CNOT4: variants seen among roughly 807,000 people sequenced by gnomAD.
CNOT4 encodes the protein CCR4-NOT transcription complex subunit 4, also known as CCR4-associated factor 4.
CNOT4 carries 8 observed loss-of-function variants against 73.8 expected under a neutral mutation model. The observed-to-expected ratio is 0.11, with a 90% CI of 0.06 to 0.20. The LOEUF is 0.20. Among genes scored for constraint, CNOT4 ranks in the 10% least tolerant of loss-of-function variants. The pLI, the probability that CNOT4 is intolerant of heterozygous loss-of-function variation, is 1.00. For synonymous variants in CNOT4, 293 were observed against 321.1 expected, an observed-to-expected ratio of 0.91 and a Z score of 0.94; for missense variants, 564 against 883.4, an observed-to-expected ratio of 0.64 and a Z score of 4.58.
chr7:135,399,509 A>G (rs1453718343), intron 7 of CNOT4, among the ~76,000 whole-genome samples: 1 of 152,122 alleles, frequency 6.6e-6, no homozygotes, highest in Non-Finnish European at 1.5e-5. Flanking sequence ...CAAAACATTG[A>G]TATGTGGTAC....
intron 9 of CNOT4, 27 bp from the exon 10 acceptor site, chr7:135,394,442 T>C: frequency 3.2e-6 from 5 of 1,539,220 alleles, no homozygotes; most frequent in East Asian, 4.5e-5. Flanking sequence ...TAGTGATGAA[T>C]ATCAGATACA....
intron 7 of CNOT4, among the ~76,000 whole-genome samples, chr7:135,409,223 T>C (rs995820386): frequency 6.6e-6 from 1 of 152,120 alleles, no homozygotes; most frequent in Admixed American, 6.5e-5. Context: ...AGATAAGTAA[T>C]AGCATATGGT....
At chr7:135,509,338 A>G (rs1804584211) in intron 1 of CNOT4, among the ~76,000 whole-genome samples, 1 of 152,094 alleles carries the variant, frequency 6.6e-6, no homozygotes. Context: ...GCTGATTGCA[A>G]GCACCAGAGG....
chr7:135,509,331 G>A (rs950589367), intron 1 of CNOT4, among the ~76,000 whole-genome samples: 1 of 152,106 alleles, frequency 6.6e-6, no homozygotes. Flanking sequence ...ACTGTGGGCT[G>A]ATTGCAAGCA....
intron 1 of CNOT4, among the ~76,000 whole-genome samples, chr7:135,463,120 G>C (rs1800978776): frequency 1.3e-5 from 2 of 152,246 alleles, no homozygotes; most frequent in Admixed American, 1.3e-4. Context: ...ATGCTGTTTT[G>C]GTTACTGCAG....
chr7:135,407,627 A>C (rs1460392296), intron 7 of CNOT4, among the ~76,000 whole-genome samples: 1 of 152,218 alleles, frequency 6.6e-6, no homozygotes, highest in East Asian at 1.9e-4. Flanking sequence ...AACAGGAAAA[A>C]GAAAATCTTT....
chr7:135,418,849 G>A (rs944659481), intron 3 of CNOT4, among the ~76,000 whole-genome samples: 7 of 152,052 alleles, frequency 4.6e-5, no homozygotes, highest in Non-Finnish European at 8.8e-5. Context: ...CACTAGCTAA[G>A]TGTTCTAATA....
intron 10 of CNOT4, among the ~76,000 whole-genome samples, chr7:135,369,476 A>G (rs961363222): frequency 6.6e-6 from 1 of 152,206 alleles, no homozygotes; most frequent in Non-Finnish European, 1.5e-5. Context: ...TTTGAGCCAT[A>G]TTTAATGGTC....
intron 10 of CNOT4, among the ~76,000 whole-genome samples, chr7:135,390,197 C>A (rs189669376): frequency 2.0e-5 from 3 of 152,240 alleles, no homozygotes; most frequent in African/African-American, 4.8e-5. Context: ...AGTTAAAGCA[C>A]ATGCCAGTGA....
At chr7:135,372,221 C>A (rs1311848593) in intron 10 of CNOT4, among the ~76,000 whole-genome samples, 1 of 152,160 alleles carries the variant, frequency 6.6e-6, no homozygotes, top group Non-Finnish European at 1.5e-5. Flanking sequence ...AACTTTTATT[C>A]TGGACTTAAT....
At chr7:135,433,769 G>A (rs190841876) in intron 2 of CNOT4, among the ~76,000 whole-genome samples, 10 of 152,132 alleles carry the variant, frequency 6.6e-5, no homozygotes, top group Admixed American at 6.6e-4. Flanking sequence ...GGTTTCCATG[G>A]GAATCAATAC....
intron 1 of CNOT4, among the ~76,000 whole-genome samples, chr7:135,485,408 AATTTAT>A (rs1204395690): frequency 6.6e-6 from 1 of 152,136 alleles, no homozygotes; most frequent in African/African-American, 2.4e-5. Flanking sequence ...CATATTCTAA[AATTTAT>A]ATGGAAAGGA....
intron 10 of CNOT4, chr7:135,384,793 C>A: frequency 1.3e-6 from 1 of 750,268 alleles, no homozygotes; most frequent in Admixed American, 1.8e-5. Flanking sequence ...AGATCTACCA[C>A]CCATCTAGTT....
Position 135,394,095 on chromosome 7 carries a change from C to T in CNOT4, c.1450G>A (p.Ala484Thr). 1.9e-6 allele frequency: 3 copies of T among 1,614,146 alleles called. No homozygotes were observed. Among genetic ancestry groups the T allele is most frequent in the African/African-American group, 2.7e-5 (2 of 75,030 alleles). The change falls in exon 10 of 12, where the codon GCG becomes ACG. Residue 484 changes from alanine (A) to threonine (T), a missense_variant. Ala to Thr is a moderately conservative substitution (Grantham distance 58, BLOSUM62 0). Coordinates refer to ENST00000541284, the MANE Select transcript of CNOT4 (RefSeq NM_001190850.2). ...GGAAAACTGAATGAATTATAAACCG[C>T]TCGGTGCTGCTGAAATTGAGGGAAC... Reference protein sequence around the residue: ...QRFPQFQQHRAVYNSFSFPGQ... With the variant: ...QRFPQFQQHRTVYNSFSFPGQ...
chr7:135,450,834 G>C (rs550802444), intron 1 of CNOT4, among the ~76,000 whole-genome samples: 1 of 152,244 alleles, frequency 6.6e-6, no homozygotes, highest in South Asian at 2.1e-4. Flanking sequence ...AACTTAAAGA[G>C]TAACATGAAT....
chr7:135,415,245 T>C lies in CNOT4; in HGVS notation c.390A>G (p.Glu130=). ...GTATTTTACCAAACTTCCCAAAATATTCTGGTCGTTTTAAAACCTATAAAA... is the reference window on the plus strand; with the variant it reads ...GTATTTTACCAAACTTCCCAAAATACTCTGGTCGTTTTAAAACCTATAAAA... The part of the protein sequence containing the change: ...LADPEVLKRP[E]YFGKFGKIHK... The change falls in exon 4 of 12, where the codon GAA becomes GAG. Residue 130 remains glutamate (E), a synonymous_variant. Coordinates refer to ENST00000541284, the MANE Select transcript of CNOT4 (RefSeq NM_001190850.2). The C allele has an allele frequency of 1.3e-6, 2 of 1,582,462 alleles. No individual in the cohort carries two copies. The highest frequency in any genetic ancestry group is 1.7e-6 in the Non-Finnish European group (2 of 1,151,646).
chr7:135,497,405 T>C (rs1803661623), intron 1 of CNOT4, among the ~76,000 whole-genome samples: 1 of 152,006 alleles, frequency 6.6e-6, no homozygotes, highest in Non-Finnish European at 1.5e-5. Flanking sequence ...TGAGACACTG[T>C]CTCAAAATAA....
intron 1 of CNOT4, among the ~76,000 whole-genome samples, chr7:135,504,572 C>T (rs1220681009): frequency 2.8e-5 from 3 of 108,096 alleles, no homozygotes; most frequent in Admixed American, 8.5e-5. Context: ...CTGCAAGCTC[C>T]GCCTCCCGGG....
At chr7:135,372,953 C>T (rs1037998380) in intron 10 of CNOT4, among the ~76,000 whole-genome samples, 4 of 151,986 alleles carry the variant, frequency 2.6e-5, no homozygotes, top group Non-Finnish European at 5.9e-5. Flanking sequence ...GATTCACAGG[C>T]CACAGAAGAT....
Sources: gnomAD v4.1 joint callset for allele counts (sites outside exome capture counted in the v4.1 genomes callset) on GRCh38, gnomAD v4.1.1 for gene constraint, MANE v1.5 for transcripts, NCBI Gene and HGNC (gene_info 2026-07-23, HGNC 2026-07-21) for gene names.